Variants in WDR75 observed in about 807,000 individuals in gnomAD.
WDR75 encodes WD repeat-containing protein 75.
In WDR75, 52 loss-of-function variants were observed where a neutral mutation model predicts 106.1. The observed-to-expected ratio is 0.49, with a 90% CI of 0.39 to 0.62. The LOEUF (loss-of-function observed/expected upper bound fraction) is 0.62, where lower values mean the gene tolerates loss of function less well. Among genes scored for constraint, WDR75 ranks in the 20% least tolerant of loss-of-function variants. WDR75 has a pLI of 0.00. For synonymous variants in WDR75, 333 were observed against 335.5 expected (o/e 0.99, Z 0.08); for missense variants, 905 against 970.3 (o/e 0.93, Z 0.89).
intron 2 of WDR75, chr2:189,449,286 A>G: frequency 7.7e-7 from 1 of 1,303,644 alleles, no homozygotes; most frequent in Non-Finnish European, 1.0e-6. Flanking sequence ...ATGGATTTGC[A>G]TTGCCATTCA....
Position 189,470,144 on chromosome 2 carries a change from C to T in WDR75, c.1888C>T (p.Gln630Ter). 6.2e-7 allele frequency: 1 copy of T among 1,613,516 alleles called. No individual in the cohort carries two copies. Among genetic ancestry groups the T allele is most frequent in the Non-Finnish European group, 8.5e-7 (1 of 1,179,590 alleles). Residue 630 changes from glutamine to a stop codon, truncating the protein, a stop_gained, in exon 17 of 21, where the codon CAG (glutamine) becomes TAG (stop). Coordinates refer to ENST00000314761, the MANE Select transcript of WDR75 (RefSeq NM_032168.3). LOFTEE classifies it high-confidence loss of function. ...IQKGISREKV[Q>*]WGVFVPRDVP... ...AAAGGGTATCTCCAGAGAGAAAGTC[C>T]AGTGGGGAGTGTTTGTTCCACGAGA...
In WDR75 at chr2:189,468,569, T is replaced by C. The variant is rs140498226; in HGVS notation, c.1723T>C (p.Leu575=). The change falls in exon 15 of 21, where the codon TTG becomes CTG. Residue 575 remains leucine, a splice_region_variant and synonymous_variant. Transcript: ENST00000314761. The stretch of plus-strand genomic sequence containing the variant: ...CTGTTGGAATCTGCTGAGCTGTGCA[T>C]GTAAGATATTTTTTACTCTAAAGTG... The part of the protein sequence containing the change: ...LCCWNLLSCA[L]EWNAKLNVRV... 10 of 1,613,006 alleles carry C rather than the reference T, an allele frequency of 6.2e-6. No individual in the cohort carries two copies. Among genetic ancestry groups the C allele is most frequent in the African/African-American group, 4.0e-5 (3 of 74,950 alleles).
At chr2:189,453,023 G>T (rs761028935) in intron 4 of WDR75, among the ~76,000 whole-genome samples, 13 of 152,148 alleles carry the variant, frequency 8.5e-5, no homozygotes, top group Non-Finnish European at 1.3e-4. Flanking sequence ...AGAAAAGTAA[G>T]TTAGATGTGG....
intron 18 of WDR75, among the ~76,000 whole-genome samples, chr2:189,473,528 G>A (rs1687155995): frequency 6.6e-6 from 1 of 152,086 alleles, no homozygotes; most frequent in African/African-American, 2.4e-5. Flanking sequence ...CCTACATGAA[G>A]TACAACTGCC....
At chr2:189,444,024 A>T (rs187894574) in intron 1 of WDR75, among the ~76,000 whole-genome samples, 1 of 152,300 alleles carries the variant, frequency 6.6e-6, no homozygotes, top group Admixed American at 6.5e-5. Flanking sequence ...CTGTAAAACA[A>T]CCAGGTGGAT....
chr2:189,469,300 T>G, intron 15 of WDR75, 44 bp from the exon 16 acceptor site: 1 of 1,500,224 alleles, frequency 6.7e-7, no homozygotes, highest in Non-Finnish European at 9.3e-7. Flanking sequence ...AAGCTTTTGG[T>G]AAATCTTTCC....
At chr2:189,444,777 T>C (rs143154087) in intron 1 of WDR75, among the ~76,000 whole-genome samples, 3 of 152,314 alleles carry the variant, frequency 2.0e-5, no homozygotes, top group East Asian at 3.9e-4. Flanking sequence ...ATAGCTCAAC[T>C]CTTCCTACCC....
At chr2:189,449,702 A>G (rs2106113176) in intron 2 of WDR75, 1 of 989,564 alleles carries the variant, frequency 1.0e-6, no homozygotes, top group Non-Finnish European at 1.2e-6. Flanking sequence ...GACAGTAATT[A>G]TATGTTTGAC....
chr2:189,449,610 A>G, intron 2 of WDR75: 1 of 1,040,188 alleles, frequency 9.6e-7, no homozygotes, highest in Non-Finnish European at 1.2e-6. Context: ...AGAGAAGGGC[A>G]GTTTTATCAG....
intron 4 of WDR75, 56 bp from the exon 5 acceptor site, chr2:189,455,264 A>G (rs1224958): frequency 1 from 1,569,580 of 1,569,914 alleles, 784,625 homozygotes; most frequent in East Asian, 1. Flanking sequence ...TAAATTCCTT[A>G]CACATGTTTG....
chr2:189,445,834 TAAA>T (rs996545867), intron 1 of WDR75, among the ~76,000 whole-genome samples: 1 of 152,092 alleles, frequency 6.6e-6, no homozygotes, highest in African/African-American at 2.4e-5. Context: ...TCTTAGGAAA[TAAA>T]AAAGAAGTAA....
chr2:189,468,508 G>A lies in WDR75; in HGVS notation c.1662G>A (p.Lys554=). ...HLCFGRLTCS[K]YLLGATENGI... ...GCTTTGGGAGATTGACGTGTTCAAA[G>A]TATCTACTTGGTGCTACTGAAAATG... The change falls in exon 15 of 21, where the codon AAG becomes AAA. Residue 554 remains lysine, a synonymous_variant. Coordinates refer to ENST00000314761, the MANE Select transcript of WDR75 (RefSeq NM_032168.3). 6.2e-7 allele frequency: 1 copy of A among 1,613,404 alleles called. No homozygotes were observed. The highest frequency in any genetic ancestry group is 1.1e-5 in the South Asian group (1 of 91,066).
At chr2:189,442,069 C>T (rs1193473562) in intron 1 of WDR75, among the ~76,000 whole-genome samples, 2 of 152,168 alleles carry the variant, frequency 1.3e-5, no homozygotes, top group Non-Finnish European at 2.9e-5. Context: ...TAAAAATACG[C>T]TAAGACTTGG....
intron 17 of WDR75, 129 bp from the exon 18 acceptor site, chr2:189,470,690 C>T: frequency 5.9e-6 from 3 of 507,314 alleles, no homozygotes; most frequent in South Asian, 5.5e-5. Flanking sequence ...TCTTTTATTC[C>T]TTTTCTGTTG....
intron 18 of WDR75, among the ~76,000 whole-genome samples, chr2:189,473,674 A>G (rs1442035801): frequency 2.0e-5 from 3 of 152,158 alleles, no homozygotes; most frequent in Non-Finnish European, 2.9e-5. Context: ...TGGTTTGTCT[A>G]GTCCCATTTT....
At chr2:189,466,644 T>C in intron 13 of WDR75, 62 bp downstream of exon 13, 1 of 1,510,644 alleles carries the variant, frequency 6.6e-7, no homozygotes, top group African/African-American at 1.4e-5. Flanking sequence ...TTTCTTTTTC[T>C]CATGACTTGT....
rs777081441 is a variant in WDR75, at chr2:189,462,503, C to T, written c.798C>T (p.Gly266=). 14 of 1,613,574 alleles carry T rather than the reference C, an allele frequency of 8.7e-6. No homozygotes were observed. Among genetic ancestry groups the T allele is most frequent in the African/African-American group, 1.3e-5 (1 of 74,864 alleles). Residue 266 remains glycine, a synonymous_variant, in exon 9 of 21, where the codon GGC becomes GGT. Coordinates refer to ENST00000314761, the MANE Select transcript of WDR75 (RefSeq NM_032168.3). ...ATGAAGGCACCAGTCTGCTGAGTGG[C>T]GGTCGTGAATCTGTACTTGTAGAGT... The part of the protein sequence containing the change: ...FSVTGTSLLS[G]GRESVLVEWR...
intron 2 of WDR75, 87 bp downstream of exon 2, chr2:189,448,595 C>T: frequency 6.6e-7 from 1 of 1,522,468 alleles, no homozygotes. Flanking sequence ...AGAAACTTTC[C>T]AGGTTATAAG....
At chr2:189,448,265 C>G in intron 1 of WDR75, 114 bp from the exon 2 acceptor site, 2 of 1,220,940 alleles carry the variant, frequency 1.6e-6, no homozygotes, top group Non-Finnish European at 2.2e-6. Context: ...AGGCGTATCA[C>G]TTGAGGCCAG....
Sources: gnomAD v4.1 joint callset for allele counts (sites outside exome capture counted in the v4.1 genomes callset) on GRCh38, gnomAD v4.1.1 for gene constraint, MANE v1.5 for transcripts, NCBI Gene and HGNC (gene_info 2026-07-23, HGNC 2026-07-21) for gene names.